The following GABRB1 variants were observed in gnomAD, a reference collection of about 807,000 sequenced individuals.
GABRB1 encodes the protein gamma-aminobutyric acid receptor subunit beta-1.
In GABRB1, 17 loss-of-function variants were observed where a neutral mutation model predicts 51.6. That is an observed-to-expected ratio of 0.33 (90% CI 0.23 to 0.49). The LOEUF (loss-of-function observed/expected upper bound fraction) is 0.49. Ranked by LOEUF, GABRB1 falls within the 20% of genes least tolerant of loss-of-function variation. GABRB1 has a pLI of 0.99. For synonymous variants in GABRB1, 247 were observed against 218.9 expected (o/e 1.13, Z -1.14); for missense variants, 410 against 600.6 (o/e 0.68, Z 3.32).
At chr4:47,176,489 G>A (rs189079789) in intron 4 of GABRB1, among the ~76,000 whole-genome samples, 1 of 152,176 alleles carries the variant, frequency 6.6e-6, no homozygotes. Context: ...AAATACTTCT[G>A]GAGATAAACT....
At chr4:47,309,534 AT>A (rs1724591122) in intron 4 of GABRB1, among the ~76,000 whole-genome samples, 2 of 152,108 alleles carry the variant, frequency 1.3e-5, no homozygotes, top group African/African-American at 4.8e-5. Flanking sequence ...TGAGAATGCT[AT>A]TTACTCAGTG....
intron 4 of GABRB1, among the ~76,000 whole-genome samples, chr4:47,285,663 C>A (rs1052969347): frequency 6.6e-6 from 1 of 152,218 alleles, no homozygotes; most frequent in Admixed American, 6.5e-5. Context: ...CCTACTCTAG[C>A]ATTTCCTAAC....
chr4:47,185,926 A>G (rs938614793), intron 4 of GABRB1, among the ~76,000 whole-genome samples: 9 of 151,814 alleles, frequency 5.9e-5, no homozygotes, highest in Non-Finnish European at 1.2e-4. Flanking sequence ...CTCTCTTTGG[A>G]ACATGGTCCT....
At chr4:47,408,944 T>A (rs1213490327) in intron 8 of GABRB1, among the ~76,000 whole-genome samples, 1 of 152,076 alleles carries the variant, frequency 6.6e-6, no homozygotes, top group Non-Finnish European at 1.5e-5. Context: ...ATAAGTACAA[T>A]TTAGGAAAGA....
At chr4:47,339,060 A>T (rs1578105344) in intron 5 of GABRB1, among the ~76,000 whole-genome samples, 1 of 152,166 alleles carries the variant, frequency 6.6e-6, no homozygotes, top group Admixed American at 6.6e-5. Flanking sequence ...ACTCCTTACC[A>T]TGTGTCATGA....
intron 5 of GABRB1, among the ~76,000 whole-genome samples, chr4:47,346,562 A>G (rs559764034): frequency 2.0e-5 from 3 of 152,240 alleles, no homozygotes; most frequent in Non-Finnish European, 2.9e-5. Context: ...ATGTGCCAAC[A>G]TCATTGCTGA....
At chr4:47,228,444 C>T (rs1721027133) in intron 4 of GABRB1, among the ~76,000 whole-genome samples, 1 of 151,878 alleles carries the variant, frequency 6.6e-6, no homozygotes, top group African/African-American at 2.4e-5. Flanking sequence ...AAATGCTTAC[C>T]AGGTACTTTC....
chr4:47,072,611 A>G (rs1362535436), intron 3 of GABRB1, among the ~76,000 whole-genome samples: 1 of 152,156 alleles, frequency 6.6e-6, no homozygotes, highest in Non-Finnish European at 1.5e-5. Flanking sequence ...CCTCTCTAAT[A>G]TCTATCTGGA....
At chr4:47,010,035 TGACATTTTAA>T (rs1373185927) in intron 1 of GABRB1, among the ~76,000 whole-genome samples, 1 of 152,224 alleles carries the variant, frequency 6.6e-6, no homozygotes, top group Non-Finnish European at 1.5e-5. Context: ...CTACCACAGC[TGACATTTTAA>T]CCAGGCTTCT....
intron 4 of GABRB1, among the ~76,000 whole-genome samples, chr4:47,230,502 G>C (rs1721102687): frequency 6.6e-6 from 1 of 152,248 alleles, no homozygotes; most frequent in African/African-American, 2.4e-5. Context: ...CCCTTGGAAG[G>C]GCTAAAAATT....
chr4:47,276,409 C>T (rs1723079455), intron 4 of GABRB1, among the ~76,000 whole-genome samples: 1 of 151,986 alleles, frequency 6.6e-6, no homozygotes, highest in Middle Eastern at 3.2e-3. Context: ...CAGAAAATAC[C>T]TGGTTAAAGA....
In GABRB1 at chr4:47,008,853, C is replaced by CTTT. The variant is rs1491180948; in HGVS notation, c.-20+14954_-20+14956dup. On this transcript the variant is annotated intron_variant, in intron 1 of 3. Coordinates refer to the GABRB1 transcript ENST00000513567. ...ACCCTGTCACGCTATCAGATACTAC[C>CTTT]TTTTTTTTTTTTTTTTTTTTTTTTT... Among the ~76,000 whole-genome samples, 4 of 80,064 alleles carry CTTT rather than the reference C, an allele frequency of 5.0e-5. 1 individual carries two copies. The highest frequency in any genetic ancestry group is 1.6e-4 in the African/African-American group (3 of 18,984). 52.5% of individuals were successfully genotyped at this position (80,064 alleles called of 152,430 possible). A position where few individuals can be genotyped will look rare whatever the true frequency, so the allele number is the denominator to read the frequency against.
intron 3 of GABRB1, among the ~76,000 whole-genome samples, chr4:47,156,989 TA>T (rs935150941): frequency 8.6e-5 from 13 of 152,002 alleles, no homozygotes; most frequent in Admixed American, 5.9e-4. Flanking sequence ...ATAAATTTTT[TA>T]AAATGTCGTT....
At chr4:47,097,743 T>C (rs1714517239) in intron 3 of GABRB1, among the ~76,000 whole-genome samples, 1 of 152,216 alleles carries the variant, frequency 6.6e-6, no homozygotes, top group East Asian at 1.9e-4. Context: ...TAACCTTGGA[T>C]GTTTATTCTT....
At chr4:47,229,829 TAA>T (rs1218677255) in intron 4 of GABRB1, among the ~76,000 whole-genome samples, 1 of 152,082 alleles carries the variant, frequency 6.6e-6, no homozygotes, top group Non-Finnish European at 1.5e-5. Flanking sequence ...ACCAGAGCTA[TAA>T]GAGACAAGAA....
intron 5 of GABRB1, among the ~76,000 whole-genome samples, chr4:47,343,900 G>T (rs1282261899): frequency 6.6e-6 from 1 of 152,174 alleles, no homozygotes; most frequent in Non-Finnish European, 1.5e-5. Context: ...CTTGCTCAGA[G>T]TTACACATCT....
rs891286577 is a variant in GABRB1, at chr4:47,386,615, T to A, written c.545-16703T>A. Among the ~76,000 whole-genome samples the A allele has an allele frequency of 6.6e-5, 10 of 152,168 alleles. 1 individual carries two copies. The highest frequency in any genetic ancestry group is 5.9e-4 in the Admixed American group (9 of 15,276). ...TGCAATATAGCTCCATTAGCATGTA[T>A]AAAGGAAAGCAGACCTTGTGAGTGG... On this transcript the variant is annotated intron_variant, in intron 5 of 8. Transcript: ENST00000295454.
At position 47,024,566 on chromosome 4, in the gene GABRB1, A is replaced by G. The variant is rs76993185; in HGVS notation, c.-19-7348A>G. On this transcript the variant is annotated intron_variant, in intron 1 of 3. Transcript: ENST00000513567. Reference sequence around the variant, plus strand: ...TATCTCTCACAGAGAGGATAGTTTTATTTTTAAAATTTTTTATTTCCATAC... The same window carrying G: ...TATCTCTCACAGAGAGGATAGTTTTGTTTTTAAAATTTTTTATTTCCATAC... Among the ~76,000 whole-genome samples the G allele has an allele frequency of 1.9e-3, 294 of 151,966 alleles. 1 individual carries two copies. Among genetic ancestry groups the G allele is most frequent in the African/African-American group, 6.7e-3 (278 of 41,518 alleles).
rs548438699 is a variant in GABRB1, at chr4:47,162,055, T to A, written c.461+586T>A. 1.2e-4 allele frequency among the ~76,000 whole-genome samples: 18 copies of A among 152,190 alleles called. No individual in the cohort carries two copies. The South Asian group carries it at 3.5e-3, about 30-fold the overall frequency. Reference sequence around the variant, plus strand: ...CACAGTAAAATAACATCAATTGTTCTTGGCAAAATGATCTTTGAAATTTTT... The same window carrying A: ...CACAGTAAAATAACATCAATTGTTCATGGCAAAATGATCTTTGAAATTTTT... On this transcript the variant is annotated intron_variant, in intron 4 of 8. Transcript: ENST00000295454.
Sources: gnomAD v4.1 joint callset for allele counts (sites outside exome capture counted in the v4.1 genomes callset) on GRCh38, gnomAD v4.1.1 for gene constraint, MANE v1.5 for transcripts, NCBI Gene and HGNC (gene_info 2026-07-23, HGNC 2026-07-21) for gene names.